FALEC: variants seen among roughly 807,000 people sequenced by gnomAD.
The protein encoded by FALEC is focally amplified lncRNA regulator of ECM1, also known as focally amplified lncRNA on chromosome 1.
the FALEC span, among the ~76,000 whole-genome samples, chr1:150,531,430 T>C: frequency 1.3e-5 from 2 of 151,578 alleles, no homozygotes; most frequent in Non-Finnish European, 2.9e-5. Context: ...AGCCGGGATC[T>C]CGCCACTGCA....
chr1:150,535,756 T>C, the FALEC span, among the ~76,000 whole-genome samples: 571 of 152,338 alleles, frequency 3.7e-3, 4 homozygotes, highest in African/African-American at 0.013. Flanking sequence ...TGCCTGGAGC[T>C]GCTCGTAAAC....
downstream of FALEC, among the ~76,000 whole-genome samples, chr1:150,520,114 A>T (rs1434056172): frequency 1.3e-5 from 2 of 152,142 alleles, no homozygotes; most frequent in African/African-American, 4.8e-5. Flanking sequence ...ACACCATTGC[A>T]TTCCAGCCTG....
At chr1:150,529,016 C>CAAAAAAAAAAAAAAAA in the FALEC span, among the ~76,000 whole-genome samples, 78 of 59,280 alleles carry the variant, frequency 1.3e-3, 2 homozygotes, top group Non-Finnish European at 1.5e-3. Context: ...AAATAAATAG[C>CAAAAAAAAAAAAAAAA]AAAAAAAAAA....
chr1:150,522,034 C>T (rs1670649963), downstream of FALEC, among the ~76,000 whole-genome samples: 1 of 152,046 alleles, frequency 6.6e-6, no homozygotes, highest in Non-Finnish European at 1.5e-5. Context: ...CACCTGAGGG[C>T]AGGAGTTCGA....
the FALEC span, among the ~76,000 whole-genome samples, chr1:150,531,902 C>T: frequency 1.6e-4 from 24 of 152,176 alleles, no homozygotes; most frequent in Admixed American, 5.9e-4. Context: ...TTCGAAGCTC[C>T]GTCAAAATGC....
chr1:150,529,894 G>T, the FALEC span, among the ~76,000 whole-genome samples: 2 of 152,298 alleles, frequency 1.3e-5, no homozygotes, highest in African/African-American at 4.8e-5. Context: ...ACCGCGCCCA[G>T]CCTGTGAATT....
the FALEC span, among the ~76,000 whole-genome samples, chr1:150,525,793 A>C: frequency 6.6e-6 from 1 of 152,144 alleles, no homozygotes; most frequent in Admixed American, 6.6e-5. Flanking sequence ...CTGGAACTAC[A>C]GGCACACACC....
chr1:150,522,921 ATATACATATATATG>A (rs1336150222), downstream of FALEC, among the ~76,000 whole-genome samples: 49 of 99,460 alleles, frequency 4.9e-4, 6 homozygotes, highest in African/African-American at 2.2e-3. Context: ...ATACATATAT[ATATACATATATATG>A]TGTGTGTGTG....
At chr1:150,526,349 CAAAAAAAA>C in the FALEC span, among the ~76,000 whole-genome samples, 1 of 61,802 alleles carries the variant, frequency 1.6e-5, no homozygotes, top group South Asian at 5.9e-4. Context: ...AACTCCGTCT[CAAAAAAAA>C]AAAAAAAAAA....
At chr1:150,526,867 C>T in the FALEC span, among the ~76,000 whole-genome samples, 1 of 151,586 alleles carries the variant, frequency 6.6e-6, no homozygotes, top group Non-Finnish European at 1.5e-5. Context: ...ATCTCCTGAC[C>T]TCGTGATCCA....
At position 150,516,269 on chromosome 1, in the gene FALEC, G is replaced by C. The variant is rs367652290; in HGVS notation, n.306+207G>C. Among the ~76,000 whole-genome samples, 5 of 152,226 alleles carry C rather than the reference G, an allele frequency of 3.3e-5. No homozygotes were observed. In the South Asian group the frequency reaches 8.3e-4, roughly 25 times the overall value. ...CTCAAAAAAAAAAAGGGAGCGGGGG[G>C]GCTTTGGTCTGTGCAGGAGCTTCCC... is the stretch of plus-strand genomic sequence containing the variant. On this transcript the variant is annotated intron_variant and non_coding_transcript_variant, in intron 1 of 1. Transcript: ENST00000416894.
the FALEC span, among the ~76,000 whole-genome samples, chr1:150,535,533 C>T: frequency 1.3e-5 from 2 of 152,302 alleles, no homozygotes; most frequent in East Asian, 3.9e-4. Flanking sequence ...CGTGAGCCAC[C>T]GCGCCCAGGC....
chr1:150,519,089 A>G (rs1421342535), downstream of FALEC, among the ~76,000 whole-genome samples: 4 of 152,148 alleles, frequency 2.6e-5, no homozygotes, highest in African/African-American at 9.7e-5. Context: ...AAAAGTATGC[A>G]AAACATAAAT....
At chr1:150,526,090 C>T in the FALEC span, among the ~76,000 whole-genome samples, 1 of 151,940 alleles carries the variant, frequency 6.6e-6, no homozygotes. Context: ...TGGGCAGGTG[C>T]AGTGGCTCAC....
the FALEC span, among the ~76,000 whole-genome samples, chr1:150,533,977 G>A: frequency 2.9e-4 from 44 of 152,330 alleles, no homozygotes; most frequent in African/African-American, 1.0e-3. Context: ...AAAATCTGGC[G>A]TAAAGGACTA....
Sources: allele counts gnomAD v4.1 joint callset (sites outside exome capture counted in the v4.1 genomes callset), GRCh38; gene constraint gnomAD v4.1.1; transcripts MANE v1.5; gene names NCBI Gene and HGNC (gene_info 2026-07-23, HGNC 2026-07-21).